Variants in HERC2 observed in about 807,000 individuals in gnomAD.
The protein encoded by HERC2 is HECT and RLD domain containing E3 ubiquitin protein ligase 2.
HERC2 carries 102 observed loss-of-function variants against 537.7 expected under a neutral mutation model. That is an observed-to-expected ratio of 0.19 (90% confidence interval 0.16 to 0.22). The LOEUF is 0.22. Among genes scored for constraint, HERC2 ranks in the 10% least tolerant of loss-of-function variants. The pLI is 1.00. For synonymous variants in HERC2, 2,224 were observed against 2,466.2 expected (o/e 0.90, Z 2.91); for missense variants, 4,236 against 6,198.2 (o/e 0.68, Z 10.63).
intron 59 of HERC2, among the ~76,000 whole-genome samples, chr15:28,178,120 T>C (rs1239663149): frequency 6.7e-6 from 1 of 148,942 alleles, no homozygotes; most frequent in African/African-American, 2.5e-5. Context: ...CCCCCTTCCT[T>C]ACCAACAGAA....
At chr15:28,143,345 G>C (rs1891417451) in intron 74 of HERC2, among the ~76,000 whole-genome samples, 6 of 152,192 alleles carry the variant, frequency 3.9e-5, no homozygotes. Flanking sequence ...TATGTTCACA[G>C]CTGTCGAGAC....
chr15:28,138,106 G>T (rs145199873), intron 78 of HERC2, among the ~76,000 whole-genome samples: 2 of 152,216 alleles, frequency 1.3e-5, no homozygotes, highest in Admixed American at 1.3e-4. Context: ...GCTGCTGAAG[G>T]AAAGTCTGAA....
At chr15:28,306,810 ATGTGCC>A (rs1357284016) in intron 2 of HERC2, among the ~76,000 whole-genome samples, 4 of 152,166 alleles carry the variant, frequency 2.6e-5, no homozygotes, top group African/African-American at 4.8e-5. Flanking sequence ...GGAAGGCTGT[ATGTGCC>A]TGTGAAATTA....
Position 28,113,365 on chromosome 15 carries a change from A to T in HERC2, c.14020-82T>A, listed in dbSNP as rs1887863680. 7.1e-7 allele frequency: 1 copy of T among 1,405,592 alleles called. No individual in the cohort carries two copies. The highest frequency in any genetic ancestry group is 9.9e-7 in the Non-Finnish European group (1 of 1,005,548). 87.1% of individuals were successfully genotyped at this position (1,405,592 alleles called of 1,614,324 possible). A position where few individuals can be genotyped will look rare whatever the true frequency, so the allele number is the denominator to read the frequency against. On this transcript the variant is annotated intron_variant, in intron 91 of 92. Coordinates refer to ENST00000261609, the MANE Select transcript of HERC2 (RefSeq NM_004667.6). The surrounding 1 kb of genome is among the most constrained non-coding windows in gnomAD (Gnocchi z 7.0). ...AGACTCCGTCACGCTCCCTCTCTACACCAAGGCCTGTTTGGGGTGGGGAAA... is the reference window on the plus strand; with the variant it reads ...AGACTCCGTCACGCTCCCTCTCTACTCCAAGGCCTGTTTGGGGTGGGGAAA...
At chr15:28,280,723 G>A (rs1159500372) in intron 4 of HERC2, among the ~76,000 whole-genome samples, 1 of 152,008 alleles carries the variant, frequency 6.6e-6, no homozygotes, top group African/African-American at 2.4e-5. Context: ...TGGCCAACAT[G>A]GTGAAACCCC....
intron 44 of HERC2, among the ~76,000 whole-genome samples, chr15:28,210,559 A>G (rs1298970120): frequency 6.6e-6 from 1 of 152,118 alleles, no homozygotes; most frequent in Non-Finnish European, 1.5e-5. Flanking sequence ...ATTTCCTCAG[A>G]CGCCCATTAG....
chr15:28,167,952 T>C (rs1177531797), intron 67 of HERC2, 125 bp from the exon 68 acceptor site: 2 of 1,087,392 alleles, frequency 1.8e-6, no homozygotes, highest in Non-Finnish European at 2.6e-6. Flanking sequence ...TTCCAGATTT[T>C]ACAGAGGTAA....
intron 5 of HERC2, among the ~76,000 whole-genome samples, chr15:28,278,918 T>C (rs575027975): frequency 1.6e-3 from 237 of 152,356 alleles, no homozygotes; most frequent in Non-Finnish European, 3.0e-3. Flanking sequence ...TTAAACATTC[T>C]AGTGGCTGTT....
intron 2 of HERC2, among the ~76,000 whole-genome samples, chr15:28,316,927 C>T (rs1443653055): frequency 6.6e-6 from 1 of 151,862 alleles, no homozygotes; most frequent in Non-Finnish European, 1.5e-5. Flanking sequence ...CAGGCACGTG[C>T]CACCACACCC....
At chr15:28,288,110 C>T (rs999319082) in intron 4 of HERC2, among the ~76,000 whole-genome samples, 1 of 152,066 alleles carries the variant, frequency 6.6e-6, no homozygotes, top group Admixed American at 6.6e-5. Flanking sequence ...GATACCCAGA[C>T]AGACTGAAAA....
intron 65 of HERC2, among the ~76,000 whole-genome samples, chr15:28,170,559 T>C (rs1465374071): frequency 1.1e-4 from 16 of 152,096 alleles, no homozygotes; most frequent in Non-Finnish European, 2.9e-5. Context: ...TATAAATCTT[T>C]TAGAGAAAAA....
intron 16 of HERC2, among the ~76,000 whole-genome samples, chr15:28,258,825 A>G (rs1193520421): frequency 1.3e-5 from 2 of 152,178 alleles, no homozygotes; most frequent in African/African-American, 4.8e-5. Flanking sequence ...AACAAAATTG[A>G]AAAACTCTAG....
chr15:28,290,011 T>C (rs968499972), intron 4 of HERC2, among the ~76,000 whole-genome samples: 4 of 151,850 alleles, frequency 2.6e-5, no homozygotes, highest in South Asian at 4.2e-4. Flanking sequence ...TCAGGCGGGG[T>C]TCAAAGAGGA....
intron 4 of HERC2, among the ~76,000 whole-genome samples, chr15:28,280,833 C>T (rs796108137): frequency 2.0e-5 from 3 of 152,134 alleles, no homozygotes; most frequent in African/African-American, 7.2e-5. Flanking sequence ...TTGCCTGAAC[C>T]CAGGAGGAGG....
At chr15:28,241,607 G>A (rs1903130659) in intron 23 of HERC2, among the ~76,000 whole-genome samples, 1 of 152,116 alleles carries the variant, frequency 6.6e-6, no homozygotes, top group South Asian at 2.1e-4. Flanking sequence ...AGATCACAAG[G>A]TAAGGAGATC....
At chr15:28,160,328 G>A (rs1243942886) in intron 69 of HERC2, among the ~76,000 whole-genome samples, 1 of 152,222 alleles carries the variant, frequency 6.6e-6, no homozygotes, top group Non-Finnish European at 1.5e-5. Context: ...CCTGCCCCCA[G>A]AGGTGGAGTC....
At chr15:28,161,253 AT>A (rs139192448) in intron 69 of HERC2, among the ~76,000 whole-genome samples, 148 of 151,066 alleles carry the variant, frequency 9.8e-4, no homozygotes, top group East Asian at 2.9e-3. Context: ...ACATTTAATG[AT>A]TTTTTTTTTA....
At chr15:28,204,353 G>A (rs996028042) in intron 45 of HERC2, among the ~76,000 whole-genome samples, 5 of 152,180 alleles carry the variant, frequency 3.3e-5, no homozygotes, top group Admixed American at 1.3e-4. Context: ...CAGGCACGGT[G>A]GCTCACACCT....
At chr15:28,119,229 A>T (rs913583576) in intron 86 of HERC2, among the ~76,000 whole-genome samples, 1 of 151,842 alleles carries the variant, frequency 6.6e-6, no homozygotes, top group African/African-American at 2.4e-5. Context: ...AATTGTCTCT[A>T]CTAAAAATAC....
Sources: gnomAD v4.1 joint callset for allele counts (sites outside exome capture counted in the v4.1 genomes callset) on GRCh38, gnomAD v4.1.1 for gene constraint, Gnocchi (gnomAD v3.1) non-coding constraint, MANE v1.5 for transcripts, NCBI Gene and HGNC (gene_info 2026-07-23, HGNC 2026-07-21) for gene names.